NDUFAF2: variants seen among roughly 807,000 people sequenced by gnomAD.
The protein encoded by NDUFAF2 is NADH dehydrogenase [ubiquinone] 1 alpha subcomplex assembly factor 2.
Under a neutral mutation model 22.8 loss-of-function variants are expected in NDUFAF2, and 13 were observed. The observed-to-expected ratio is 0.57, with a 90% CI of 0.37 to 0.91. NDUFAF2 has a LOEUF of 0.91. Ranked by LOEUF, NDUFAF2 falls within the 40% of genes least tolerant of loss-of-function variation. The pLI is 0.01. For synonymous variants in NDUFAF2, 53 were observed against 64.2 expected, an observed-to-expected ratio of 0.83 and a Z score of 0.84; for missense variants, 162 against 195.2, an observed-to-expected ratio of 0.83 and a Z score of 1.01.
chr5:61,040,286 A>AGACGCGCGCGCGCGCGCG (rs1554080865), intron 1 of NDUFAF2, among the ~76,000 whole-genome samples: 1 of 93,074 alleles, frequency 1.1e-5, no homozygotes, highest in African/African-American at 4.3e-5. Context: ...ACACACACAC[A>AGACGCGCGCGCGCGCGCG]CGCGCGCGCG....
chr5:61,101,919 G>A (rs1347413289), intron 3 of NDUFAF2, among the ~76,000 whole-genome samples: 1 of 152,082 alleles, frequency 6.6e-6, no homozygotes, highest in Non-Finnish European at 1.5e-5. Flanking sequence ...ATCCACAGTA[G>A]TTCTTATGCT....
At chr5:61,021,365 C>T (rs1358162588) in intron 1 of NDUFAF2, among the ~76,000 whole-genome samples, 2 of 151,756 alleles carry the variant, frequency 1.3e-5, no homozygotes, top group Non-Finnish European at 2.9e-5. Context: ...GTCGCTGACT[C>T]TCAGACCTCT....
At chr5:61,019,720 T>C (rs1190904481) in intron 1 of NDUFAF2, among the ~76,000 whole-genome samples, 1 of 152,102 alleles carries the variant, frequency 6.6e-6, no homozygotes, top group Non-Finnish European at 1.5e-5. Flanking sequence ...AAATACCTGG[T>C]TTTTAAAAAA....
rs1752758401 is a variant in NDUFAF2, at chr5:61,105,990, G to A, written c.258+6958G>A. On this transcript the variant is annotated intron_variant, in intron 3 of 3. Transcript: ENST00000296597. ...CACAGAATGCTCAGTAACTGGCAGT[G>A]CCAGAAAACTCTGAAAGTGGAGTTT... Among the ~76,000 whole-genome samples, 6 of 151,434 alleles carry A rather than the reference G, an allele frequency of 4.0e-5. No homozygotes were observed. In the South Asian group the frequency reaches 1.2e-3, roughly 31 times the overall value.
At chr5:60,994,863 G>A (rs1751208297) in intron 1 of NDUFAF2, among the ~76,000 whole-genome samples, 1 of 151,872 alleles carries the variant, frequency 6.6e-6, no homozygotes, top group African/African-American at 2.4e-5. Flanking sequence ...GATCCTGTAG[G>A]CATACTTCAT....
At chr5:61,044,201 A>T (rs978354257) in intron 1 of NDUFAF2, among the ~76,000 whole-genome samples, 3 of 145,474 alleles carry the variant, frequency 2.1e-5, no homozygotes, top group South Asian at 2.2e-4. Flanking sequence ...TAATCAGGTT[A>T]TTTTTTTTTT....
At chr5:61,005,209 T>C (rs914133720) in intron 1 of NDUFAF2, among the ~76,000 whole-genome samples, 1 of 152,208 alleles carries the variant, frequency 6.6e-6, no homozygotes, top group African/African-American at 2.4e-5. Context: ...GTCCTTGTGA[T>C]AGTTGGCTTA....
At chr5:61,118,437 C>T (rs934942300) in intron 3 of NDUFAF2, among the ~76,000 whole-genome samples, 1 of 152,150 alleles carries the variant, frequency 6.6e-6, no homozygotes, top group African/African-American at 2.4e-5. Flanking sequence ...TTAAAATTCA[C>T]AAGTGAGAAA....
In NDUFAF2 at chr5:61,144,387, A is replaced by G. The variant is rs973405306; in HGVS notation, c.259-8317A>G. ...ATAAAAAATACTAGTGACATTTTAC[A>G]TATCTTAAATTAATAAAAATGGGTA... is the stretch of plus-strand genomic sequence containing the variant. On this transcript the variant is annotated intron_variant, in intron 3 of 3. Coordinates refer to ENST00000296597, the MANE Select transcript of NDUFAF2 (RefSeq NM_174889.5). Among the ~76,000 whole-genome samples the G allele has an allele frequency of 2.0e-5, 3 of 152,214 alleles. No homozygotes were observed. In the East Asian group the frequency reaches 5.8e-4, roughly 29 times the overall value.
intron 3 of NDUFAF2, among the ~76,000 whole-genome samples, chr5:61,127,822 G>A (rs1753056527): frequency 6.6e-6 from 1 of 152,034 alleles, no homozygotes; most frequent in African/African-American, 2.4e-5. Flanking sequence ...AGAAATAAAG[G>A]GTATTCAGTT....
At chr5:61,054,524 T>C (rs1006934053) in intron 1 of NDUFAF2, among the ~76,000 whole-genome samples, 1 of 152,108 alleles carries the variant, frequency 6.6e-6, no homozygotes, top group African/African-American at 2.4e-5. Flanking sequence ...ACCTGGGCAG[T>C]TGACGTCACC....
At chr5:61,089,603 A>G (rs1752543050) in intron 2 of NDUFAF2, among the ~76,000 whole-genome samples, 1 of 152,094 alleles carries the variant, frequency 6.6e-6, no homozygotes, top group African/African-American at 2.4e-5. Context: ...GGACATTTCA[A>G]GTATCTGGTT....
chr5:61,026,398 T>C (rs1751650571), intron 1 of NDUFAF2, among the ~76,000 whole-genome samples: 1 of 152,100 alleles, frequency 6.6e-6, no homozygotes, highest in Admixed American at 6.6e-5. Context: ...TAATTGATTT[T>C]AACTAAATAT....
rs192521194 is a variant in NDUFAF2, at chr5:61,040,948, C to T, written c.128-32177C>T. ...TTAAGTAAATGAAATCCCTAAGGGA[C>T]TGTCAACCTGAATTATCCAGAGAAT... On this transcript the variant is annotated intron_variant, in intron 1 of 3. Coordinates refer to ENST00000296597, the MANE Select transcript of NDUFAF2 (RefSeq NM_174889.5). Among the ~76,000 whole-genome samples, 1,060 of 152,248 alleles carry T rather than the reference C, an allele frequency of 7.0e-3. 6 individuals are homozygous for T. Among genetic ancestry groups the T allele is most frequent in the Middle Eastern group, 0.017 (5 of 294 alleles).
chr5:61,107,511 A>T (rs1391616439), intron 3 of NDUFAF2, among the ~76,000 whole-genome samples: 4 of 151,172 alleles, frequency 2.6e-5, no homozygotes, highest in Non-Finnish European at 5.9e-5. Context: ...GGTAGTTTGC[A>T]AATATGTTCT....
At chr5:61,092,013 C>A (rs1255380351) in intron 2 of NDUFAF2, among the ~76,000 whole-genome samples, 1 of 152,026 alleles carries the variant, frequency 6.6e-6, no homozygotes, top group Non-Finnish European at 1.5e-5. Flanking sequence ...GGTGTGCAGT[C>A]CTATTTCTGG....
intron 1 of NDUFAF2, among the ~76,000 whole-genome samples, chr5:61,055,992 G>T (rs1187036022): frequency 6.6e-6 from 1 of 152,116 alleles, no homozygotes; most frequent in Non-Finnish European, 1.5e-5. Flanking sequence ...ATCTAAATGA[G>T]TCAGATAACA....
intron 1 of NDUFAF2, among the ~76,000 whole-genome samples, chr5:60,968,848 C>T (rs1370273933): frequency 2.0e-5 from 3 of 151,976 alleles, no homozygotes; most frequent in African/African-American, 7.2e-5. Flanking sequence ...TCCACTTCCC[C>T]ACCACCCCTC....
intron 1 of NDUFAF2, among the ~76,000 whole-genome samples, chr5:60,976,811 C>A (rs545027268): frequency 3.3e-5 from 5 of 152,092 alleles, no homozygotes; most frequent in Non-Finnish European, 7.4e-5. Context: ...GAACCTGATA[C>A]GTTATTCTAT....
Sources: allele counts gnomAD v4.1 joint callset (sites outside exome capture counted in the v4.1 genomes callset), GRCh38; gene constraint gnomAD v4.1.1; transcripts MANE v1.5; gene names NCBI Gene and HGNC (gene_info 2026-07-23, HGNC 2026-07-21).